PADI1: variants seen among roughly 807,000 people sequenced by gnomAD.
The protein encoded by PADI1 is protein-arginine deiminase type-1.
In PADI1, 65 loss-of-function variants were observed where a neutral mutation model predicts 74.8. The observed-to-expected ratio is 0.87, with a 90% confidence interval of 0.71 to 1.07. The LOEUF (loss-of-function observed/expected upper bound fraction) is 1.07, where lower values mean the gene tolerates loss of function less well. PADI1 is among the 50% of genes least tolerant of loss of function. The pLI is 0.00. For missense variants in PADI1, 943 were observed against 854.0 expected (o/e 1.10, Z -1.30); for synonymous variants, 371 against 336.2 (o/e 1.10, Z -1.13).
At chr1:17,210,039 C>T (rs1569741451) in intron 1 of PADI1, among the ~76,000 whole-genome samples, 1 of 151,752 alleles carries the variant, frequency 6.6e-6, no homozygotes, top group Non-Finnish European at 1.5e-5. Context: ...AAGGTTTTGC[C>T]GTGTTTTCCA....
chr1:17,207,470 A>G (rs1245250284), intron 1 of PADI1, among the ~76,000 whole-genome samples: 4 of 152,210 alleles, frequency 2.6e-5, no homozygotes, highest in Non-Finnish European at 5.9e-5. Flanking sequence ...GGGAAGATAA[A>G]TGAGCCCATG....
At chr1:17,243,890 C>CT in intron 15 of PADI1, 120 bp from the exon 16 acceptor site, 1 of 669,516 alleles carries the variant, frequency 1.5e-6, no homozygotes, top group Admixed American at 2.8e-5. Context: ...AGAGCCCTTT[C>CT]TAGGCTGTGG....
chr1:17,217,288 GC>G (rs2072005583), intron 1 of PADI1, among the ~76,000 whole-genome samples: 1 of 152,176 alleles, frequency 6.6e-6, no homozygotes, highest in Admixed American at 6.5e-5. Context: ...GCCTCCATGA[GC>G]CCCTGCTCTG....
In PADI1 at chr1:17,215,390, ATCATCG is replaced by A. The variant is rs780447405; in HGVS notation, c.93-6894_93-6889del. 1.7e-3 allele frequency among the ~76,000 whole-genome samples: 217 copies of A among 130,220 alleles called. 3 individuals are homozygous for A. The highest frequency in any genetic ancestry group is 1.5e-3 in the South Asian group (7 of 4,690). 85.4% of individuals were successfully genotyped at this position (130,220 alleles called of 152,430 possible). On this transcript the variant is annotated intron_variant, in intron 1 of 15. Coordinates refer to ENST00000375471, the MANE Select transcript of PADI1 (RefSeq NM_013358.3). ...TCTTCCCCCTTCTTTCATCATCATCATCATCGTCATCATCATCATCATCATCATTTT... is the reference window on the plus strand; with the variant it reads ...TCTTCCCCCTTCTTTCATCATCATCATCATCATCATCATCATCATCATTTT...
intron 6 of PADI1, 99 bp downstream of exon 6, chr1:17,226,257 C>G (rs1402271978): frequency 7.6e-6 from 10 of 1,324,356 alleles, no homozygotes; most frequent in Non-Finnish European, 9.6e-6. Context: ...TTTTGTAACT[C>G]TCATTACAGC....
intron 12 of PADI1, among the ~76,000 whole-genome samples, chr1:17,238,393 G>A (rs1053848867): frequency 6.6e-6 from 1 of 152,230 alleles, no homozygotes; most frequent in Non-Finnish European, 1.5e-5. Context: ...GGCAAAATGC[G>A]AAGGGCGTCC....
intron 1 of PADI1, among the ~76,000 whole-genome samples, chr1:17,214,035 G>A (rs1424873664): frequency 3.3e-5 from 5 of 152,186 alleles, no homozygotes. Context: ...TCTGAACCAG[G>A]GCCATGGGGG....
rs184173202 is a variant in PADI1, at chr1:17,224,446, A to G, written c.408+18A>G. 5.5e-4 allele frequency: 886 copies of G among 1,607,732 alleles called. 4 individuals are homozygous for G. In the African/African-American group the frequency reaches 0.01, roughly 19 times the overall value. On this transcript the variant is annotated intron_variant, in intron 4 of 15. Coordinates refer to ENST00000375471, the MANE Select transcript of PADI1 (RefSeq NM_013358.3). Reference sequence around the variant, plus strand: ...GGGACAAGGTGAGACCCTTCCGGGCACCCCAAGGCTGCGGGGTTGAAAGGC... The same window carrying G: ...GGGACAAGGTGAGACCCTTCCGGGCGCCCCAAGGCTGCGGGGTTGAAAGGC...
chr1:17,237,551 C>T (rs761605964), intron 12 of PADI1, 93 bp downstream of exon 12: 153 of 1,259,982 alleles, frequency 1.2e-4, no homozygotes, highest in Admixed American at 2.4e-4. Flanking sequence ...CAGCTCAACC[C>T]TGTGCCCCGA....
chr1:17,215,822 A>G (rs576962662), intron 1 of PADI1, among the ~76,000 whole-genome samples: 1 of 152,316 alleles, frequency 6.6e-6, no homozygotes, highest in South Asian at 2.1e-4. Flanking sequence ...ATAAAACAGA[A>G]AAAAAATCTC....
intron 4 of PADI1, among the ~76,000 whole-genome samples, 179 bp downstream of exon 4, chr1:17,224,607 C>G (rs1363101851): frequency 6.6e-6 from 1 of 152,194 alleles, no homozygotes; most frequent in African/African-American, 2.4e-5. Flanking sequence ...AACCTACACC[C>G]TGTAACCGAC....
intron 1 of PADI1, among the ~76,000 whole-genome samples, chr1:17,208,282 A>G (rs1234518717): frequency 6.6e-6 from 1 of 152,154 alleles, no homozygotes; most frequent in East Asian, 1.9e-4. Flanking sequence ...ATTTGGAGAA[A>G]CACTTGTGTT....
Position 17,205,200 on chromosome 1 carries a change from T to C in PADI1, c.-18T>C. 1.2e-6 allele frequency: 2 copies of C among 1,610,898 alleles called. No homozygotes were observed. Among genetic ancestry groups the C allele is most frequent in the Non-Finnish European group, 1.7e-6 (2 of 1,177,302 alleles). On this transcript the variant is annotated 5_prime_UTR_variant, in exon 1 of 16. Coordinates refer to ENST00000375471, the MANE Select transcript of PADI1 (RefSeq NM_013358.3). ...GGGAGCCAGGGCTGATCTAGGAGGC[T>C]GGGAGCCAGGTGACAGGATGGCCCC...
At position 17,228,771 on chromosome 1, in the gene PADI1, C is replaced by T; in HGVS notation, c.799C>T (p.Leu267Phe). 2 of 1,614,148 alleles carry T rather than the reference C, an allele frequency of 1.2e-6. No individual in the cohort carries two copies. Among genetic ancestry groups the T allele is most frequent in the Non-Finnish European group, 1.7e-6 (2 of 1,180,014 alleles). The change falls in exon 7 of 16, where the codon CTC becomes TTC. Residue 267 changes from leucine to phenylalanine, a missense_variant. Physicochemically the swap from Leu to Phe is conservative, Grantham distance 22. Transcript: ENST00000375471. ...TGCCGATTTCCTAGGGCTGGTTTCCCTCAGTGTCAGCCTGGTGGACCCGGG... is the reference window on the plus strand; with the variant it reads ...TGCCGATTTCCTAGGGCTGGTTTCCTTCAGTGTCAGCCTGGTGGACCCGGG... ...PDADFLGLVS[L>F]SVSLVDPGTL...
chr1:17,226,355 C>T (rs1421623987), intron 6 of PADI1, among the ~76,000 whole-genome samples, 197 bp downstream of exon 6: 1 of 152,160 alleles, frequency 6.6e-6, no homozygotes, highest in Non-Finnish European at 1.5e-5. Context: ...AGAGGAAAAC[C>T]GAGGCTCAGA....
In PADI1 at chr1:17,226,114, T is replaced by C; in HGVS notation, c.608T>C (p.Val203Ala). The change falls in exon 6 of 16, where the codon GTG (valine) becomes GCG (alanine). Residue 203 changes from valine (V) to alanine (A), a missense_variant. Transcript: ENST00000375471. ...GACAGCCACAAGCTTGTCTTGAACG[T>C]GCCCTTTTCTGATTCCAAAAGAGTG... ...LFDSHKLVLN[V>A]PFSDSKRVRV... The C allele has an allele frequency of 6.2e-7, 1 of 1,614,216 alleles. No individual in the cohort carries two copies. Among genetic ancestry groups the C allele is most frequent in the East Asian group, 2.2e-5 (1 of 44,894 alleles).
At chr1:17,213,598 C>A (rs994262644) in intron 1 of PADI1, among the ~76,000 whole-genome samples, 6 of 152,232 alleles carry the variant, frequency 3.9e-5, no homozygotes, top group African/African-American at 1.4e-4. Flanking sequence ...CGTCATTACC[C>A]TGTGACAAGT....
At chr1:17,210,705 C>T (rs1327395038) in intron 1 of PADI1, among the ~76,000 whole-genome samples, 1 of 152,166 alleles carries the variant, frequency 6.6e-6, no homozygotes, top group East Asian at 1.9e-4. Flanking sequence ...TGAGAAAATG[C>T]CTGAGCCTGC....
chr1:17,226,838 A>C (rs185953393), intron 6 of PADI1, among the ~76,000 whole-genome samples: 2 of 152,090 alleles, frequency 1.3e-5, no homozygotes, highest in Admixed American at 1.3e-4. Flanking sequence ...TCACAAGGTC[A>C]GGAGATCGAG....
Sources: gnomAD v4.1 joint callset for allele counts (sites outside exome capture counted in the v4.1 genomes callset) on GRCh38, gnomAD v4.1.1 for gene constraint, MANE v1.5 for transcripts, NCBI Gene and HGNC (gene_info 2026-07-23, HGNC 2026-07-21) for gene names.